The following SVEP1 variants were observed in gnomAD, a reference collection of about 807,000 sequenced individuals.
The protein encoded by SVEP1 is sushi, von Willebrand factor type A, EGF and pentraxin domain-containing protein 1.
In SVEP1, 164 loss-of-function variants were observed where a neutral mutation model predicts 367.3. The observed-to-expected ratio is 0.45, with a 90% CI of 0.39 to 0.51. The LOEUF is 0.51. Ranked by LOEUF, SVEP1 falls within the 20% of genes least tolerant of loss-of-function variation. SVEP1 has a pLI of 0.00. For missense variants in SVEP1, 4,117 were observed against 4,425.3 expected (o/e 0.93, Z 1.98); for synonymous variants, 1,666 against 1,611.6 (o/e 1.03, Z -0.81).
rs543150013 is a variant in SVEP1 at position 110,450,477 on chromosome 9, T to G, written c.3902-217A>C. 1.9e-3 allele frequency among the ~76,000 whole-genome samples: 285 copies of G among 147,050 alleles called. 1 individual carries two copies. Among genetic ancestry groups the G allele is most frequent in the African/African-American group, 6.7e-3 (264 of 39,618 alleles). The stretch of plus-strand genomic sequence containing the variant: ...AGTTTTTGATAATCTGTTTTTTTTT[T>G]TTTTTTTTTTGAGACAGAGTCTTGC... On this transcript the variant is annotated intron_variant, in intron 23 of 47. Transcript: ENST00000374469.
chr9:110,541,245 C>A (rs556579714), intron 3 of SVEP1, among the ~76,000 whole-genome samples: 2 of 142,526 alleles, frequency 1.4e-5, no homozygotes, highest in South Asian at 4.7e-4. Context: ...AGGTAAACAA[C>A]CTCTACTTTT....
At chr9:110,453,855 C>T (rs1265768738) in intron 22 of SVEP1, among the ~76,000 whole-genome samples, 1 of 147,586 alleles carries the variant, frequency 6.8e-6, no homozygotes, top group Non-Finnish European at 1.5e-5. Context: ...GGCGACACAG[C>T]GAGACTCCAT....
intron 43 of SVEP1, among the ~76,000 whole-genome samples, chr9:110,383,584 C>T (rs1031642862): frequency 9.9e-5 from 15 of 151,894 alleles, no homozygotes; most frequent in African/African-American, 3.6e-4. Context: ...AATCAGGAGG[C>T]ATGGGATCAG....
At chr9:110,426,922 T>C (rs896077467) in intron 36 of SVEP1, among the ~76,000 whole-genome samples, 1 of 152,238 alleles carries the variant, frequency 6.6e-6, no homozygotes, top group African/African-American at 2.4e-5. Context: ...CCTGTAGATA[T>C]GTCATCTTTA....
At chr9:110,564,186 G>C (rs1209056257) in intron 1 of SVEP1, among the ~76,000 whole-genome samples, 1 of 152,162 alleles carries the variant, frequency 6.6e-6, no homozygotes, top group African/African-American at 2.4e-5. Context: ...AAATGTATCA[G>C]GTCAAACTGT....
At chr9:110,470,631 T>C (rs971402624) in intron 16 of SVEP1, among the ~76,000 whole-genome samples, 2 of 151,966 alleles carry the variant, frequency 1.3e-5, no homozygotes, top group African/African-American at 4.8e-5. Flanking sequence ...ACAAAGGGTT[T>C]TGCCATGTTG....
intron 40 of SVEP1, among the ~76,000 whole-genome samples, chr9:110,390,085 A>ACGTG: frequency 1.1e-5 from 1 of 89,104 alleles, no homozygotes; most frequent in African/African-American, 3.5e-5. Context: ...ATACGTGTAT[A>ACGTG]TATACACATA....
intron 18 of SVEP1, among the ~76,000 whole-genome samples, chr9:110,462,970 C>T (rs1828880410): frequency 6.6e-6 from 1 of 151,828 alleles, no homozygotes; most frequent in Non-Finnish European, 1.5e-5. Context: ...GTTCTCTTAC[C>T]ACACACACCC....
At chr9:110,427,302 CAAAAAAA>C (rs61616981) in intron 36 of SVEP1, among the ~76,000 whole-genome samples, 1 of 81,936 alleles carries the variant, frequency 1.2e-5, no homozygotes, top group Non-Finnish European at 2.3e-5. Flanking sequence ...GACTCTGTCT[CAAAAAAA>C]AAAAAAAAAA....
In SVEP1 at chr9:110,440,033, G is replaced by A. The variant is rs184975032; in HGVS notation, c.4639+3512C>T. On this transcript the variant is annotated intron_variant, in intron 27 of 47. Coordinates refer to ENST00000374469, the MANE Select transcript of SVEP1 (RefSeq NM_153366.4). The stretch of plus-strand genomic sequence containing the variant: ...AAGTCAATAAAAATCACCTGTAATC[G>A]CACCACTTAGAGAAGAGATAGTTGA... Among the ~76,000 whole-genome samples, 199 of 152,030 alleles carry A rather than the reference G, an allele frequency of 1.3e-3. No individual in the cohort carries two copies. The Middle Eastern group carries it at 0.014, about 10-fold the overall frequency.
At chr9:110,487,987 A>G (rs1038680467) in intron 9 of SVEP1, among the ~76,000 whole-genome samples, 2 of 152,156 alleles carry the variant, frequency 1.3e-5, no homozygotes, top group South Asian at 2.1e-4. Flanking sequence ...CAGAAGACCA[A>G]TTGAGAGATG....
At chr9:110,574,846 C>T (rs1167846337) in intron 1 of SVEP1, among the ~76,000 whole-genome samples, 1 of 147,772 alleles carries the variant, frequency 6.8e-6, no homozygotes, top group Non-Finnish European at 1.5e-5. Flanking sequence ...CCCGGGTTCA[C>T]GCCATTCTCC....
At chr9:110,551,377 T>C (rs1216167233) in intron 1 of SVEP1, among the ~76,000 whole-genome samples, 2 of 152,234 alleles carry the variant, frequency 1.3e-5, no homozygotes, top group African/African-American at 2.4e-5. Context: ...TAAATTTAGT[T>C]AGTGTTTGTG....
At chr9:110,544,507 C>T (rs1029823152) in intron 3 of SVEP1, among the ~76,000 whole-genome samples, 15 of 152,086 alleles carry the variant, frequency 9.9e-5, no homozygotes, top group African/African-American at 3.6e-4. Context: ...TAATGTAGAG[C>T]ACAAGATTCC....
At chr9:110,432,301 C>A (rs1023428522) in intron 31 of SVEP1, among the ~76,000 whole-genome samples, 161 bp downstream of exon 31, 3 of 152,160 alleles carry the variant, frequency 2.0e-5, no homozygotes, top group Non-Finnish European at 2.9e-5. Context: ...ACATTTCTGG[C>A]ACCTCTACAT....
chr9:110,432,465 G>C lies in SVEP1; in HGVS notation c.5230C>G (p.Leu1744Val). ...TAGTTGCCAACATTTATCTCACCAA[G>C]GCAGGATGGTGAAACGCCGTTCCAG... Reference protein sequence around the residue: ...GSWNGVSPSCLDVDECAVGSD... With the variant: ...GSWNGVSPSCVDVDECAVGSD... Residue 1744 changes from leucine (L) to valine (V), a missense_variant, in exon 31 of 48, where the codon CTT becomes GTT. This residue lies in a region of SVEP1 where 2,174 missense variants were observed against 2,494.3 expected (regional missense o/e 0.87). Coordinates refer to ENST00000374469, the MANE Select transcript of SVEP1 (RefSeq NM_153366.4). 1 of 1,611,964 alleles carries C rather than the reference G, an allele frequency of 6.2e-7. No homozygotes were observed. Among genetic ancestry groups the C allele is most frequent in the Non-Finnish European group, 8.5e-7 (1 of 1,179,106 alleles).
In SVEP1 at chr9:110,408,239, T is replaced by C; in HGVS notation, c.7361A>G (p.Gln2454Arg). ...AGCTGTGCTGAGATAGGCAAGGCCT[T>C]GCACATCAATGATTCCATTGGGGAT... The part of the protein sequence containing the change: ...EEIPNGIIDV[Q>R]GLAYLSTALY... The change falls in exon 38 of 48, where the codon CAA (glutamine) becomes CGA (arginine). Residue 2454 changes from glutamine (Q) to arginine (R), a missense_variant. By Grantham distance (43) the Gln-to-Arg change is conservative. Coordinates refer to ENST00000374469, the MANE Select transcript of SVEP1 (RefSeq NM_153366.4). 6.2e-7 allele frequency: 1 copy of C among 1,614,020 alleles called. No homozygotes were observed. The highest frequency in any genetic ancestry group is 8.5e-7 in the Non-Finnish European group (1 of 1,179,890).
intron 40 of SVEP1, 53 bp from the exon 41 acceptor site, chr9:110,389,640 TAATAAGGA>T (rs1827594757): frequency 9.4e-6 from 15 of 1,598,210 alleles, no homozygotes; most frequent in Admixed American, 5.2e-5. Flanking sequence ...AATAGAAAGA[TAATAAGGA>T]AATGCAAAGT....
chr9:110,412,256 A>G (rs1248549792), intron 36 of SVEP1, among the ~76,000 whole-genome samples: 1 of 152,216 alleles, frequency 6.6e-6, no homozygotes, highest in Non-Finnish European at 1.5e-5. Context: ...GCTACAATGT[A>G]CAATGCCATA....
Sources: gnomAD v4.1 joint callset for allele counts (sites outside exome capture counted in the v4.1 genomes callset) on GRCh38, gnomAD v4.1.1 for gene constraint, gnomAD v4.1.1 regional missense constraint, MANE v1.5 for transcripts, NCBI Gene and HGNC (gene_info 2026-07-23, HGNC 2026-07-21) for gene names.